GMPPB: variants seen among roughly 807,000 people sequenced by gnomAD.
The protein encoded by GMPPB is GDP-mannose pyrophosphorylase B, also known as mannose-1-phosphate guanylyltransferase catalytic subunit beta.
Under a neutral mutation model 40.3 loss-of-function variants are expected in GMPPB, and 38 were observed. The ratio of observed to expected loss-of-function variants is 0.94; its 90% CI spans 0.73 to 1.24. The LOEUF is 1.24. GMPPB is among the 50% of genes most tolerant of loss of function. The probability of loss-of-function intolerance (pLI) is 0.00; values close to 1 mark genes in which losing one functional copy is unlikely to be tolerated. For synonymous variants in GMPPB, 193 were observed against 191.8 expected (o/e 1.01, Z -0.05); for missense variants, 436 against 487.1 (o/e 0.90, Z 0.99).
chr3:49,721,422 C>T lies in GMPPB; in HGVS notation c.*330G>A. 1.5e-6 allele frequency: 2 copies of T among 1,362,406 alleles called. No individual in the cohort carries two copies. The highest frequency in any genetic ancestry group is 1.0e-6 in the Non-Finnish European group (1 of 952,602). 84.4% of individuals were successfully genotyped at this position (1,362,406 alleles called of 1,614,324 possible). A position where few individuals can be genotyped will look rare whatever the true frequency, so the allele number is the denominator to read the frequency against. On this transcript the variant is annotated 3_prime_UTR_variant, in exon 9 of 9. Coordinates refer to ENST00000308388, the MANE Select transcript of GMPPB (RefSeq NM_021971.4). ...ATCCCACACCACCACATCCAACCTC[C>T]TTGCCTGCCTGTATCCTCATTGGTG...
In GMPPB at chr3:49,720,341, T is replaced by C. The variant is rs1387082721; in HGVS notation, c.*1411A>G. Reference sequence around the variant, plus strand: ...AGAAAAAAAAAAAAAAAACAGGCTGTGTGGCACCTTACTAGAATACAGGAC... The same window carrying C: ...AGAAAAAAAAAAAAAAAACAGGCTGCGTGGCACCTTACTAGAATACAGGAC... On this transcript the variant is annotated 3_prime_UTR_variant, in exon 9 of 9. Coordinates refer to ENST00000308388, the MANE Select transcript of GMPPB (RefSeq NM_021971.4). 2.0e-6 allele frequency: 1 copy of C among 509,154 alleles called. No homozygotes were observed. The highest frequency in any genetic ancestry group is 2.0e-5 in the African/African-American group (1 of 49,824). 31.5% of individuals were successfully genotyped at this position (509,154 alleles called of 1,614,324 possible).
chr3:49,722,312 C>T lies in GMPPB; in HGVS notation c.687G>A (p.Met229Ile), dbSNP rs1269487710. 2 of 1,613,882 alleles carry T rather than the reference C, an allele frequency of 1.2e-6. No homozygotes were observed. The highest frequency in any genetic ancestry group is 1.3e-5 in the African/African-American group (1 of 74,938). The change falls in exon 7 of 9, where the codon ATG becomes ATA. Residue 229 changes from methionine (M) to isoleucine (I), a missense_variant. Physicochemically the swap from Met to Ile is conservative, Grantham distance 10 (BLOSUM62 1). Transcript: ENST00000308388. ...IGQPKDFLTGMCLFLQSLRQK... is the reference protein window; with the variant it reads ...IGQPKDFLTGICLFLQSLRQK... ...GCCTCAGTGACTGCAGGAAGAGGCA[C>T]ATGCCAGTGAGGAAGTCCTTGGGCT...
At position 49,722,651 on chromosome 3, in the gene GMPPB, T is replaced by C. The variant is rs534685803; in HGVS notation, c.506A>G (p.Asn169Ser). ...GATGTACATGCCTGCGTTGATCTTA[T>C]TGGACACAAACACCTGTGGCTTCTC... ...FVEKPQVFVS[N>S]KINAGMYILS... Residue 169 changes from asparagine to serine, a missense_variant, in exon 5 of 9, where the codon AAT becomes AGT. By Grantham distance (46) the Asn-to-Ser change is conservative (BLOSUM62 1). Coordinates refer to ENST00000308388, the MANE Select transcript of GMPPB (RefSeq NM_021971.4). The C allele has an allele frequency of 4.5e-5, 73 of 1,614,084 alleles. No individual in the cohort carries two copies. The South Asian group carries it at 4.8e-4, about 11-fold the overall frequency.
rs775559778 is a variant in GMPPB at position 49,722,308 on chromosome 3, G to A, written c.691C>T (p.Leu231Phe). ...QPKDFLTGMC[L>F]FLQSLRQKQP... ...TTCTGCCTCAGTGACTGCAGGAAGA[G>A]GCACATGCCAGTGAGGAAGTCCTTG... is the stretch of plus-strand genomic sequence containing the variant. Residue 231 changes from leucine (L) to phenylalanine (F), a missense_variant, in exon 7 of 9, where the codon CTC becomes TTC. Coordinates refer to ENST00000308388, the MANE Select transcript of GMPPB (RefSeq NM_021971.4). 5 of 1,613,978 alleles carry A rather than the reference G, an allele frequency of 3.1e-6. No individual in the cohort carries two copies. Among genetic ancestry groups the A allele is most frequent in the Non-Finnish European group, 4.2e-6 (5 of 1,179,998 alleles).
Position 49,721,575 on chromosome 3 carries a change from GC to G in GMPPB, c.*176del, listed in dbSNP as rs1408048211. The G allele has an allele frequency of 7.4e-6, 6 of 806,820 alleles. No homozygotes were observed. The highest frequency in any genetic ancestry group is 1.7e-5 in the African/African-American group (1 of 59,264). 50.0% of individuals were successfully genotyped at this position (806,820 alleles called of 1,614,324 possible). On this transcript the variant is annotated 3_prime_UTR_variant, in exon 9 of 9. Transcript: ENST00000308388. ...TGAGGGAGTGGGGTTTGTGGGGTGT[GC>G]CCAGCAGGGATCCTGCCAGATGATG...
Position 49,720,686 on chromosome 3 carries a change from C to A in GMPPB, c.*1066G>T, listed in dbSNP as rs747990660. ...GGCTGGTGGGGCAGGTCAGGGAAAT[C>A]TGGGGCTGGGTCGGGTCAGGAGCCT... On this transcript the variant is annotated 3_prime_UTR_variant, in exon 9 of 9. Coordinates refer to ENST00000308388, the MANE Select transcript of GMPPB (RefSeq NM_021971.4). 1.9e-5 allele frequency: 30 copies of A among 1,595,756 alleles called. No individual in the cohort carries two copies. The highest frequency in any genetic ancestry group is 1.7e-5 in the Non-Finnish European group (20 of 1,166,404).
chr3:49,721,158 C>A lies in GMPPB; in HGVS notation c.*594G>T. On this transcript the variant is annotated 3_prime_UTR_variant, in exon 9 of 9. Coordinates refer to ENST00000308388, the MANE Select transcript of GMPPB (RefSeq NM_021971.4). ...GGGAGAGCAGTAGGTACATGCAGGG[C>A]AGTCCTCATCCCCTCCCCTGTTGTA... is the stretch of plus-strand genomic sequence containing the variant. 6.2e-7 allele frequency: 1 copy of A among 1,614,124 alleles called. No individual in the cohort carries two copies. Among genetic ancestry groups the A allele is most frequent in the Non-Finnish European group, 8.5e-7 (1 of 1,179,972 alleles).
chr3:49,720,997 A>G lies in GMPPB; in HGVS notation c.*755T>C, dbSNP rs536640332. On this transcript the variant is annotated 3_prime_UTR_variant, in exon 9 of 9. Transcript: ENST00000308388. ...ATAGCCAGGCATCCAACTCCAGCCC[A>G]CCCTTCACTCTCCTCCCTGCAGCCC... 1.8e-4 allele frequency: 288 copies of G among 1,608,680 alleles called. 4 individuals are homozygous for G. The South Asian group carries it at 2.9e-3, about 16-fold the overall frequency.
At chr3:49,723,143 G>C in intron 3 of GMPPB, 29 bp from the exon 4 acceptor site, 1 of 1,613,470 alleles carries the variant, frequency 6.2e-7, no homozygotes. Context: ...TCACCACCTT[G>C]CTGGAGGTCT....
Position 49,720,546 on chromosome 3 carries a change from C to T in GMPPB, c.*1206G>A. 1 of 1,608,804 alleles carries T rather than the reference C, an allele frequency of 6.2e-7. No homozygotes were observed. Among genetic ancestry groups the T allele is most frequent in the Non-Finnish European group, 8.5e-7 (1 of 1,176,754 alleles). On this transcript the variant is annotated 3_prime_UTR_variant, in exon 9 of 9. Transcript: ENST00000308388. ...GCCACATCAGTGCTCCTGGCAGATC[C>T]CTGCTTCCAGCTACGCTCAATATGC...
At chr3:49,721,936 T>TGCCCC in intron 8 of GMPPB, 29 bp downstream of exon 8, 201 of 1,583,704 alleles carry the variant, frequency 1.3e-4, no homozygotes, top group Middle Eastern at 1.7e-4. Context: ...CCCGCCCCTC[T>TGCCCC]CCCCACCCAG....
chr3:49,722,777 C>T (rs375618039), intron 4 of GMPPB, 23 bp from the exon 5 acceptor site: 5 of 1,601,132 alleles, frequency 3.1e-6, no homozygotes, highest in Middle Eastern at 1.7e-4. Flanking sequence ...AAGGGGACCT[C>T]GGACCTAGTC....
At position 49,721,635 on chromosome 3, in the gene GMPPB, G is replaced by T; in HGVS notation, c.*117C>A. Reference sequence around the variant, plus strand: ...AGAAGGCAGGTGTCCAACAGCTTCAGCTTCACCCAGTGCCCCCCAGACAAA... The same window carrying T: ...AGAAGGCAGGTGTCCAACAGCTTCATCTTCACCCAGTGCCCCCCAGACAAA... On this transcript the variant is annotated 3_prime_UTR_variant, in exon 9 of 9. Transcript: ENST00000308388. 9.6e-7 allele frequency: 1 copy of T among 1,042,092 alleles called. No individual in the cohort carries two copies. 64.6% of individuals were successfully genotyped at this position (1,042,092 alleles called of 1,614,324 possible). A position where few individuals can be genotyped will look rare whatever the true frequency, so the allele number is the denominator to read the frequency against.
Position 49,722,700 on chromosome 3 carries a change from T to G in GMPPB, c.457A>C (p.Thr153Pro). The part of the protein sequence containing the change: ...KYGVVVCEAD[T>P]GRIHRFVEKP... ...TCCACGAACCGGTGAATGCGGCCTGTGTCAGCCTCACACACCACCACACCG... is the reference window on the plus strand; with the variant it reads ...TCCACGAACCGGTGAATGCGGCCTGGGTCAGCCTCACACACCACCACACCG... The change falls in exon 5 of 9, where the codon ACA becomes CCA. Residue 153 changes from threonine (T) to proline (P), a missense_variant. Coordinates refer to ENST00000308388, the MANE Select transcript of GMPPB (RefSeq NM_021971.4). The G allele has an allele frequency of 6.2e-7, 1 of 1,613,828 alleles. No individual in the cohort carries two copies. The highest frequency in any genetic ancestry group is 1.3e-5 in the African/African-American group (1 of 75,062).
Position 49,720,469 on chromosome 3 carries a change from GC to G in GMPPB, c.*1282del. ...AATCCCAAGAGAGACTTTTAGCCAG[GC>G]CCCAAGCCTTCTGACTGCCCTTGCA... is the stretch of plus-strand genomic sequence containing the variant. On this transcript the variant is annotated 3_prime_UTR_variant, in exon 9 of 9. Transcript: ENST00000308388. 1 of 1,508,860 alleles carries G rather than the reference GC, an allele frequency of 6.6e-7. No homozygotes were observed. The allele number at this position is 1,508,860 out of a possible 1,614,324, so 93.5% of individuals were successfully genotyped here. A position where few individuals can be genotyped will look rare whatever the true frequency, so the allele number is the denominator to read the frequency against.
chr3:49,721,441 A>G lies in GMPPB; in HGVS notation c.*311T>C, dbSNP rs760282130. 5.0e-6 allele frequency: 6 copies of G among 1,211,466 alleles called. No individual in the cohort carries two copies. The highest frequency in any genetic ancestry group is 1.5e-5 in the African/African-American group (1 of 67,360). 75.0% of individuals were successfully genotyped at this position (1,211,466 alleles called of 1,614,324 possible). ...AACCTCCTTGCCTGCCTGTATCCTC[A>G]TTGGTGGGAGCCCAGCCATGGCCCT... On this transcript the variant is annotated 3_prime_UTR_variant, in exon 9 of 9. Transcript: ENST00000308388.
rs1388005722 is a variant in GMPPB at position 49,721,521 on chromosome 3, T to C, written c.*231A>G. The C allele has an allele frequency of 2.4e-6, 2 of 818,362 alleles. No individual in the cohort carries two copies. The highest frequency in any genetic ancestry group is 4.1e-6 in the Non-Finnish European group (2 of 484,518). The allele number at this position is 818,362 out of a possible 1,614,324, so 50.7% of individuals were successfully genotyped here. ...GGCCACAGTGAGCATTAAATTATTA[T>C]TCCATACAGCCCTGGCCCTGGCCCT... On this transcript the variant is annotated 3_prime_UTR_variant, in exon 9 of 9. Coordinates refer to ENST00000308388, the MANE Select transcript of GMPPB (RefSeq NM_021971.4).
Position 49,721,573 on chromosome 3 carries a change from G to T in GMPPB, c.*179C>A. On this transcript the variant is annotated 3_prime_UTR_variant, in exon 9 of 9. Coordinates refer to ENST00000308388, the MANE Select transcript of GMPPB (RefSeq NM_021971.4). ...CTTGAGGGAGTGGGGTTTGTGGGGT[G>T]TGCCCAGCAGGGATCCTGCCAGATG... 1.2e-6 allele frequency: 1 copy of T among 804,874 alleles called. No individual in the cohort carries two copies. Among genetic ancestry groups the T allele is most frequent in the Non-Finnish European group, 2.1e-6 (1 of 478,334 alleles). The allele number at this position is 804,874 out of a possible 1,614,324, so 49.9% of individuals were successfully genotyped here. A position where few individuals can be genotyped will look rare whatever the true frequency, so the allele number is the denominator to read the frequency against.
chr3:49,721,302 C>T lies in GMPPB; in HGVS notation c.*450G>A. Reference sequence around the variant, plus strand: ...ATACGAGTACTACCTCCTCAGCTGCCTAGCCCTCACAGCCTGTGCCATCCT... The same window carrying T: ...ATACGAGTACTACCTCCTCAGCTGCTTAGCCCTCACAGCCTGTGCCATCCT... On this transcript the variant is annotated 3_prime_UTR_variant, in exon 9 of 9. Transcript: ENST00000308388. 6.2e-7 allele frequency: 1 copy of T among 1,614,186 alleles called. No homozygotes were observed. Among genetic ancestry groups the T allele is most frequent in the Non-Finnish European group, 8.5e-7 (1 of 1,180,034 alleles).
Sources: gnomAD v4.1 joint callset for allele counts on GRCh38, gnomAD v4.1.1 for gene constraint, MANE v1.5 for transcripts, NCBI Gene and HGNC (gene_info 2026-07-23, HGNC 2026-07-21) for gene names.